ZNF831: variants seen among roughly 807,000 people sequenced by gnomAD.
ZNF831 encodes chromosome 20 open reading frame 174.
Under a neutral mutation model 95.8 loss-of-function variants are expected in ZNF831, and 59 were observed. That is an observed-to-expected ratio of 0.62 (90% CI 0.50 to 0.77). The LOEUF (loss-of-function observed/expected upper bound fraction) is 0.77. Ranked by LOEUF, ZNF831 falls within the 30% of genes least tolerant of loss-of-function variation. ZNF831 has a pLI of 0.00. For synonymous variants in ZNF831, 961 were observed against 925.5 expected (o/e 1.04, Z -0.70); for missense variants, 2,205 against 2,164.0 (o/e 1.02, Z -0.38).
chr20:59,189,651 A>G (rs549762052), intron 1 of ZNF831, among the ~76,000 whole-genome samples: 1 of 152,306 alleles, frequency 6.6e-6, no homozygotes, highest in South Asian at 2.1e-4. Context: ...AGCTGGGATT[A>G]CAGGCTCCTG....
chr20:59,239,148 T>A (rs1328774473), intron 4 of ZNF831, among the ~76,000 whole-genome samples: 1 of 152,232 alleles, frequency 6.6e-6, no homozygotes, highest in African/African-American at 2.4e-5. Context: ...CTTCCCATTT[T>A]TCTTCCCCTT....
chr20:59,222,037 ATAGT>A (rs1357242479), intron 4 of ZNF831, among the ~76,000 whole-genome samples: 13 of 152,246 alleles, frequency 8.5e-5, no homozygotes, highest in Non-Finnish European at 1.2e-4. Flanking sequence ...AGTCTGAATC[ATAGT>A]TAATGTGCGA....
chr20:59,237,323 A>G (rs977695174), intron 4 of ZNF831, among the ~76,000 whole-genome samples: 3 of 152,052 alleles, frequency 2.0e-5, no homozygotes, highest in African/African-American at 7.2e-5. Flanking sequence ...TTCTCCACAG[A>G]CCTATCCCTG....
chr20:59,247,921 T>C (rs1299826607), intron 4 of ZNF831, among the ~76,000 whole-genome samples: 1 of 152,238 alleles, frequency 6.6e-6, no homozygotes, highest in Non-Finnish European at 1.5e-5. Context: ...ATTAAAGATG[T>C]CTACAGTTAT....
At chr20:59,186,451 T>C (rs1983047703) in intron 1 of ZNF831, among the ~76,000 whole-genome samples, 1 of 152,042 alleles carries the variant, frequency 6.6e-6, no homozygotes, top group Non-Finnish European at 1.5e-5. Flanking sequence ...ATGGAGCGCT[T>C]ACTCTGTGCT....
intron 1 of ZNF831, among the ~76,000 whole-genome samples, chr20:59,129,977 T>C (rs917905729): frequency 6.6e-6 from 1 of 152,234 alleles, no homozygotes; most frequent in African/African-American, 2.4e-5. Context: ...ATATGCAGAC[T>C]TCAGGATTCC....
Position 59,253,865 on chromosome 20 carries a change from C to CCG in ZNF831, c.4189-32_4189-31insGC, listed in dbSNP as rs1555837592. 135 of 1,131,576 alleles carry CCG rather than the reference C, an allele frequency of 1.2e-4. 12 individuals are homozygous for CCG. The highest frequency in any genetic ancestry group is 1.5e-4 in the Non-Finnish European group (124 of 843,214). The allele number at this position is 1,131,576 out of a possible 1,614,324, so 70.1% of individuals were successfully genotyped here. Reference sequence around the variant, plus strand: ...TTCTTTGTACCAATTAACCTCCCCCCCCACTTTTTTTTTCCTTTGCACTTT... The same window carrying CCG: ...TTCTTTGTACCAATTAACCTCCCCCCCGCCACTTTTTTTTTCCTTTGCACTTT... On this transcript the variant is annotated intron_variant, in intron 5 of 5. Transcript: ENST00000371030.
At chr20:59,153,166 C>T (rs961574700) in intron 2 of ZNF831, among the ~76,000 whole-genome samples, 1 of 152,214 alleles carries the variant, frequency 6.6e-6, no homozygotes, top group African/African-American at 2.4e-5. Context: ...CATACAGTCC[C>T]TGTTCCTGAG....
intron 4 of ZNF831, among the ~76,000 whole-genome samples, chr20:59,215,669 C>T (rs1985630593): frequency 2.6e-5 from 4 of 152,178 alleles, no homozygotes; most frequent in Admixed American, 2.0e-4. Context: ...GCACTGAGGC[C>T]TAAATTGAAA....
Position 59,254,613 on chromosome 20 carries a change from C to A in ZNF831, c.4904C>A (p.Pro1635His), listed in dbSNP as rs1223393673. 6.2e-7 allele frequency: 1 copy of A among 1,613,996 alleles called. No individual in the cohort carries two copies. The highest frequency in any genetic ancestry group is 8.5e-7 in the Non-Finnish European group (1 of 1,180,034). ...DSVVPSKPEQ[P>H]IEIPEAPSKS... ...GTGGTTCCTTCTAAGCCAGAGCAGC[C>A]CATAGAAATTCCTGAAGCCCCTTCT... is the stretch of plus-strand genomic sequence containing the variant. Residue 1635 changes from proline (P) to histidine (H), a missense_variant, in exon 6 of 6, where the codon CCC (proline) becomes CAC (histidine). Pro to His is a moderately conservative substitution (Grantham distance 77). Transcript: ENST00000371030. The surrounding 1 kb of genome is among the most constrained non-coding windows in gnomAD (Gnocchi z 4.5).
At chr20:59,147,391 G>C (rs1042337183) in intron 2 of ZNF831, among the ~76,000 whole-genome samples, 1 of 152,230 alleles carries the variant, frequency 6.6e-6, no homozygotes, top group African/African-American at 2.4e-5. Flanking sequence ...TTGGGGTCTG[G>C]TCTCTGACAC....
Position 59,193,392 on chromosome 20 carries a change from T to G in ZNF831, c.2373T>G (p.Gly791=), listed in dbSNP as rs2146582530. The G allele has an allele frequency of 6.2e-7, 1 of 1,601,998 alleles. No homozygotes were observed. Among genetic ancestry groups the G allele is most frequent in the Non-Finnish European group, 8.5e-7 (1 of 1,174,320 alleles). Residue 791 remains glycine, a synonymous_variant, in exon 2 of 6, where the codon GGT becomes GGG. Transcript: ENST00000371030. The stretch of plus-strand genomic sequence containing the variant: ...CCAAGCTGGAAGGAGGTGCCCGAGG[T>G]GTGGGGGATGTTCAGGAGACCTGCC... ...PDPKLEGGAR[G]VGDVQETCLW...
At chr20:59,142,982 G>A (rs1266951625) in intron 1 of ZNF831, among the ~76,000 whole-genome samples, 3 of 151,854 alleles carry the variant, frequency 2.0e-5, no homozygotes, top group South Asian at 2.1e-4. Context: ...CTGCAACCTC[G>A]ACCACCACCT....
chr20:59,210,238 C>T (rs960753761), intron 4 of ZNF831, among the ~76,000 whole-genome samples: 1 of 152,190 alleles, frequency 6.6e-6, no homozygotes, highest in Non-Finnish European at 1.5e-5. Context: ...AGAATTGCCC[C>T]GGCCACTGCC....
In ZNF831 at chr20:59,200,266, A is replaced by G. The variant is rs1426314638; in HGVS notation, c.3875+4261A>G. On this transcript the variant is annotated intron_variant, in intron 3 of 5. Coordinates refer to ENST00000371030, the MANE Select transcript of ZNF831 (RefSeq NM_178457.3). ...TCTCTGTAAAAAATTCTTAGCCATC[A>G]TTCTCCAAATATTGCCTCTGTCCTG... Among the ~76,000 whole-genome samples the G allele has an allele frequency of 3.3e-5, 5 of 152,280 alleles. No homozygotes were observed. The East Asian group carries it at 9.6e-4, about 29-fold the overall frequency.
chr20:59,195,865 T>A lies in ZNF831; in HGVS notation c.3739-4T>A. ...TGTGATGCCAACATGCTTGGTGTTTTCAGTTCTCCTACCCAACAGTCCCAG... is the reference window on the plus strand; with the variant it reads ...TGTGATGCCAACATGCTTGGTGTTTACAGTTCTCCTACCCAACAGTCCCAG... On this transcript the variant is annotated splice_region_variant and splice_polypyrimidine_tract_variant and intron_variant, in intron 2 of 5. Transcript: ENST00000371030. 1 of 1,610,942 alleles carries A rather than the reference T, an allele frequency of 6.2e-7. No homozygotes were observed. Among genetic ancestry groups the A allele is most frequent in the Middle Eastern group, 1.7e-4 (1 of 6,036 alleles).
intron 4 of ZNF831, among the ~76,000 whole-genome samples, chr20:59,216,791 ATTT>A (rs557529790): frequency 2.4e-4 from 37 of 152,164 alleles, no homozygotes; most frequent in Admixed American, 1.9e-3. Flanking sequence ...GGGGCCTGAA[ATTT>A]TTTTCCTGAG....
rs1988079451 is a variant in ZNF831 at position 59,254,490 on chromosome 20, G to A, written c.4781G>A (p.Gly1594Asp). 5 of 1,614,040 alleles carry A rather than the reference G, an allele frequency of 3.1e-6. No individual in the cohort carries two copies. Among genetic ancestry groups the A allele is most frequent in the Non-Finnish European group, 4.2e-6 (5 of 1,180,038 alleles). ...CACAAGACGTTTTTTCCTTCCAGAG[G>A]CCAGTATGGGTGTGGGGAAATGACT... ...GRHKTFFPSR[G>D]QYGCGEMTVP... Residue 1594 changes from glycine (G) to aspartate (D), a missense_variant, in exon 6 of 6, where the codon GGC (glycine) becomes GAC (aspartate). Transcript: ENST00000371030. The surrounding 1 kb of genome is among the most constrained non-coding windows in gnomAD (Gnocchi z 4.5).
At chr20:59,237,261 T>C (rs529992428) in intron 4 of ZNF831, among the ~76,000 whole-genome samples, 2 of 152,362 alleles carry the variant, frequency 1.3e-5, no homozygotes, top group Admixed American at 6.5e-5. Context: ...TTATTTTTCA[T>C]GGTGGTAATA....
Sources: allele counts gnomAD v4.1 joint callset (sites outside exome capture counted in the v4.1 genomes callset), GRCh38; gene constraint gnomAD v4.1.1; non-coding constraint Gnocchi (gnomAD v3.1); transcripts MANE v1.5; gene names NCBI Gene and HGNC (gene_info 2026-07-23, HGNC 2026-07-21).